IL23R: variants seen among roughly 807,000 people sequenced by gnomAD.
IL23R encodes the protein interleukin-23 receptor.
A neutral mutation model predicts 56.9 loss-of-function variants in IL23R; 34 were observed. The observed-to-expected ratio is 0.60, with a 90% confidence interval of 0.45 to 0.80. The LOEUF (loss-of-function observed/expected upper bound fraction) is 0.80. IL23R is among the 30% of genes least tolerant of loss of function. The probability of loss-of-function intolerance (pLI) is 0.00; values close to 1 mark genes in which losing one functional copy is unlikely to be tolerated. For synonymous variants in IL23R, 230 were observed against 249.2 expected, an observed-to-expected ratio of 0.92 and a Z score of 0.73; for missense variants, 635 against 730.0, an observed-to-expected ratio of 0.87 and a Z score of 1.50.
chr1:67,222,102 C>CTTTTTTTTTTTTTTTTTTTTTTTTT (rs72241835), intron 7 of IL23R, among the ~76,000 whole-genome samples: 8 of 58,900 alleles, frequency 1.4e-4, no homozygotes, highest in Admixed American at 2.8e-4. Flanking sequence ...TTCTTTCTTT[C>CTTTTTTTTTTTTTTTTTTTTTTTTT]TTTTTTTTTT....
chr1:67,143,067 C>T (rs1001904404), intron 1 of IL23R, among the ~76,000 whole-genome samples: 1 of 151,470 alleles, frequency 6.6e-6, no homozygotes, highest in Non-Finnish European at 1.5e-5. Context: ...TTTTTCATTT[C>T]GAAGCCCAAG....
chr1:67,231,743 G>C lies in IL23R; in HGVS notation c.956-4970G>C, dbSNP rs1007541843. The C allele has an allele frequency of 5.9e-5, 9 of 152,128 alleles. 1 individual carries two copies. The highest frequency in any genetic ancestry group is 5.2e-4 in the Admixed American group (8 of 15,266). The allele number at this position is 152,128 out of a possible 1,614,324, so 9.4% of individuals were successfully genotyped here. A position where few individuals can be genotyped will look rare whatever the true frequency, so the allele number is the denominator to read the frequency against. On this transcript the variant is annotated intron_variant, in intron 7 of 10. Coordinates refer to ENST00000347310, the MANE Select transcript of IL23R (RefSeq NM_144701.3). Reference sequence around the variant, plus strand: ...TATTAAGTAATATTGAATAAGGCTGGGTGTGGTGGCTCACACCTGTAATTC... The same window carrying C: ...TATTAAGTAATATTGAATAAGGCTGCGTGTGGTGGCTCACACCTGTAATTC...
At chr1:67,204,157 G>A (rs978928393) in intron 5 of IL23R, among the ~76,000 whole-genome samples, 9 of 152,086 alleles carry the variant, frequency 5.9e-5, no homozygotes, top group East Asian at 1.9e-4. Context: ...TCCGCCTTCC[G>A]GGTTCACGCC....
chr1:67,139,831 G>A (rs1646618912), intron 1 of IL23R, among the ~76,000 whole-genome samples: 2 of 152,198 alleles, frequency 1.3e-5, no homozygotes, highest in Admixed American at 1.3e-4. Context: ...AAGACCCACT[G>A]CACCCAGCTT....
chr1:67,184,739 G>C (rs565568659), intron 4 of IL23R, among the ~76,000 whole-genome samples: 2 of 152,086 alleles, frequency 1.3e-5, no homozygotes, highest in African/African-American at 4.8e-5. Flanking sequence ...ACTGGGCCAA[G>C]AGCTTTATAA....
downstream of IL23R, among the ~76,000 whole-genome samples, chr1:67,261,040 G>A (rs561147520): frequency 2.0e-5 from 3 of 150,514 alleles, no homozygotes; most frequent in African/African-American, 7.3e-5. Context: ...AAGACTCATT[G>A]CTTACTATGT....
Position 67,200,850 on chromosome 1 carries a change from T to C in IL23R, c.605T>C (p.Leu202Pro), listed in dbSNP as rs1294334604. The C allele has an allele frequency of 3.1e-6, 5 of 1,614,136 alleles. No individual in the cohort carries two copies. Among genetic ancestry groups the C allele is most frequent in the Admixed American group, 1.7e-5 (1 of 60,018 alleles). The change falls in exon 5 of 11, where the codon CTA (leucine) becomes CCA (proline). Residue 202 changes from leucine (L) to proline (P), a missense_variant. Transcript: ENST00000347310. ...GTTTGGGTCCAAGCAGCAAACGCACTAGGCATGGAAGAGTCAAAACAACTG... is the reference window on the plus strand; with the variant it reads ...GTTTGGGTCCAAGCAGCAAACGCACCAGGCATGGAAGAGTCAAAACAACTG... ...YLVWVQAANA[L>P]GMEESKQLQI...
At chr1:67,212,218 C>T (rs776890732) in intron 6 of IL23R, among the ~76,000 whole-genome samples, 15 of 152,174 alleles carry the variant, frequency 9.9e-5, no homozygotes, top group Non-Finnish European at 2.1e-4. Flanking sequence ...AAGTGAATTA[C>T]CATTTCTATC....
At chr1:67,177,454 T>C (rs907943138) in intron 3 of IL23R, among the ~76,000 whole-genome samples, 1 of 152,148 alleles carries the variant, frequency 6.6e-6, no homozygotes, top group African/African-American at 2.4e-5. Context: ...TGCCCACTTT[T>C]TGATGGGGTT....
chr1:67,194,364 G>A (rs977076868), intron 4 of IL23R, among the ~76,000 whole-genome samples: 1 of 152,110 alleles, frequency 6.6e-6, no homozygotes, highest in Non-Finnish European at 1.5e-5. Context: ...CCTACCCTAA[G>A]CCTATCCAGG....
intron 1 of IL23R, among the ~76,000 whole-genome samples, chr1:67,154,771 G>A (rs190164218): frequency 9.2e-4 from 140 of 152,180 alleles, no homozygotes; most frequent in African/African-American, 3.2e-3. Context: ...TTTAATTGGG[G>A]CATTTAGCCC....
intron 1 of IL23R, among the ~76,000 whole-genome samples, chr1:67,140,418 C>T (rs973239186): frequency 6.6e-5 from 10 of 152,124 alleles, no homozygotes; most frequent in African/African-American, 2.4e-4. Context: ...AATATAGTCA[C>T]TTTATAAAAG....
chr1:67,186,393 T>C (rs140303537), intron 4 of IL23R, among the ~76,000 whole-genome samples: 1 of 152,268 alleles, frequency 6.6e-6, no homozygotes, highest in African/African-American at 2.4e-5. Context: ...ATTTAAAGTA[T>C]ATCATTCCTT....
intron 9 of IL23R, among the ~76,000 whole-genome samples, chr1:67,254,363 C>G (rs997273178): frequency 6.6e-6 from 1 of 151,780 alleles, no homozygotes; most frequent in Non-Finnish European, 1.5e-5. Flanking sequence ...GCCAACATGC[C>G]CGGCCCAAAA....
chr1:67,201,106 T>C (rs1057190263), intron 5 of IL23R, among the ~76,000 whole-genome samples: 1 of 109,824 alleles, frequency 9.1e-6, no homozygotes, highest in African/African-American at 3.7e-5. Flanking sequence ...CAGTCTTATT[T>C]CTAAATTGTT....
chr1:67,208,521 G>A (rs1649236842), intron 6 of IL23R, among the ~76,000 whole-genome samples: 1 of 152,222 alleles, frequency 6.6e-6, no homozygotes, highest in African/African-American at 2.4e-5. Context: ...ATGGCTCAAA[G>A]GGCCAACATC....
rs907031892 is a variant in IL23R, at chr1:67,181,824, T to C, written c.368-1012T>C. On this transcript the variant is annotated intron_variant, in intron 3 of 10. Transcript: ENST00000347310. ...AGATGGGGTTTTGGTGTGGATGTCC[T>C]TTCTGTTTGTTAGTTTTCCTTCTAA... Among the ~76,000 whole-genome samples the C allele has an allele frequency of 2.0e-5, 3 of 152,240 alleles. No individual in the cohort carries two copies. In the East Asian group the frequency reaches 5.8e-4, roughly 29 times the overall value.
intron 1 of IL23R, among the ~76,000 whole-genome samples, chr1:67,152,227 G>T (rs1646734745): frequency 6.6e-6 from 1 of 152,148 alleles, no homozygotes; most frequent in Non-Finnish European, 1.5e-5. Context: ...TGCAGCATTT[G>T]TGAATGGGAC....
At chr1:67,161,788 T>G (rs1207560964), upstream of IL23R, among the ~76,000 whole-genome samples, 3 of 151,918 alleles carry the variant, frequency 2.0e-5, no homozygotes, top group East Asian at 5.8e-4. Flanking sequence ...CCAACACGCC[T>G]GGCTAATTTT....
Sources: gnomAD v4.1 joint callset for allele counts (sites outside exome capture counted in the v4.1 genomes callset) on GRCh38, gnomAD v4.1.1 for gene constraint, MANE v1.5 for transcripts, NCBI Gene and HGNC (gene_info 2026-07-23, HGNC 2026-07-21) for gene names.